SRP19: variants seen among roughly 807,000 people sequenced by gnomAD.
SRP19 encodes the protein signal recognition particle 19.
Under a neutral mutation model 22.4 loss-of-function variants are expected in SRP19, and 11 were observed. The ratio of observed to expected loss-of-function variants is 0.49; its 90% CI spans 0.31 to 0.81. SRP19 has a LOEUF of 0.81. SRP19 is among the 40% of genes least tolerant of loss of function. The pLI is 0.05. For synonymous variants in SRP19, 61 were observed against 57.6 expected, an observed-to-expected ratio of 1.06 and a Z score of -0.27; for missense variants, 168 against 175.9, an observed-to-expected ratio of 0.96 and a Z score of 0.25.
At position 112,892,519 on chromosome 5, in the gene SRP19, G is replaced by A. The variant is rs568926188; in HGVS notation, c.*912G>A. 72 of 1,614,172 alleles carry A rather than the reference G, an allele frequency of 4.5e-5. 1 individual carries two copies. In the Middle Eastern group the frequency reaches 2.5e-3, roughly 55 times the overall value. On this transcript the variant is annotated 3_prime_UTR_variant, in exon 5 of 5. Coordinates refer to the SRP19 transcript ENST00000391338. ...CCAAGCAGCCCTTTCTCTGTTTAACGGACGATGGTATGCAGGACGACAGCT... is the reference window on the plus strand; with the variant it reads ...CCAAGCAGCCCTTTCTCTGTTTAACAGACGATGGTATGCAGGACGACAGCT...
At chr5:112,889,138 C>A (rs1227998762) in intron 4 of SRP19, among the ~76,000 whole-genome samples, 4 of 150,782 alleles carry the variant, frequency 2.7e-5, no homozygotes, top group African/African-American at 9.9e-5. Flanking sequence ...AAACCTCTTT[C>A]CTTTATAAAT....
downstream of SRP19, among the ~76,000 whole-genome samples, chr5:112,871,682 G>A (rs144456024): frequency 1.4e-4 from 21 of 152,172 alleles, no homozygotes; most frequent in Middle Eastern, 3.4e-3. Flanking sequence ...CACTTGAACC[G>A]TGGGAAATGG....
chr5:112,892,060 G>C, exon 5 of SRP19: 1 of 1,553,822 alleles, frequency 6.4e-7, no homozygotes, highest in Non-Finnish European at 8.9e-7. Flanking sequence ...AGAGGAAGCT[G>C]TGCAGAAGAT....
intron 4 of SRP19, among the ~76,000 whole-genome samples, chr5:112,890,875 G>A (rs2150038562): frequency 6.7e-6 from 1 of 150,366 alleles, no homozygotes; most frequent in South Asian, 2.1e-4. Flanking sequence ...TATAAAATAG[G>A]TATTAATTGA....
At chr5:112,880,319 T>C (rs1768030443) in intron 4 of SRP19, among the ~76,000 whole-genome samples, 1 of 152,162 alleles carries the variant, frequency 6.6e-6, no homozygotes, top group Non-Finnish European at 1.5e-5. Context: ...AATTACCAAG[T>C]GGCAGGGAAT....
At chr5:112,866,116 CTTTTTTTT>C (rs67108157) in intron 4 of SRP19, among the ~76,000 whole-genome samples, 2 of 142,014 alleles carry the variant, frequency 1.4e-5, no homozygotes, top group Admixed American at 1.4e-4. Context: ...AGTCTTTTTT[CTTTTTTTT>C]TTTTTTTCTG....
chr5:112,878,973 T>A, intron 4 of SRP19: 2 of 1,379,178 alleles, frequency 1.5e-6, no homozygotes, highest in Non-Finnish European at 2.0e-6. Context: ...CATGTTGGGG[T>A]TTGTGGTCTG....
chr5:112,873,271 C>CTT (rs35379154), downstream of SRP19, among the ~76,000 whole-genome samples: 959 of 50,742 alleles, frequency 0.019, 50 homozygotes, highest in African/African-American at 0.067. Context: ...CTCAGGTTTT[C>CTT]TTTTTTTTTT....
At chr5:112,897,767 CAT>C (rs1294289294), downstream of SRP19, 1 of 152,150 alleles carries the variant, frequency 6.6e-6, no homozygotes, top group Admixed American at 6.5e-5. Flanking sequence ...AAATATTAAA[CAT>C]GTCCTCGGGC....
downstream of SRP19, among the ~76,000 whole-genome samples, chr5:112,872,528 T>C (rs908015846): frequency 6.6e-6 from 1 of 151,984 alleles, no homozygotes; most frequent in Non-Finnish European, 1.5e-5. Flanking sequence ...GGGGTTTCGC[T>C]GTGTTGGCCA....
chr5:112,869,145 T>C lies in SRP19; in HGVS notation c.*1608T>C, dbSNP rs1767699757. Reference sequence around the variant, plus strand: ...TTTTGCCTCATATGTTAAATCCAAGTGAGGTTGCTGTGGTGGTTGGTTTAG... The same window carrying C: ...TTTTGCCTCATATGTTAAATCCAAGCGAGGTTGCTGTGGTGGTTGGTTTAG... On this transcript the variant is annotated 3_prime_UTR_variant, in exon 5 of 5. Transcript: ENST00000505459. The C allele has an allele frequency of 6.6e-6, 1 of 152,230 alleles. No individual in the cohort carries two copies. The highest frequency in any genetic ancestry group is 2.4e-5 in the African/African-American group (1 of 41,444). The allele number at this position is 152,230 out of a possible 1,614,324, so 9.4% of individuals were successfully genotyped here.
chr5:112,886,381 G>T (rs147163262), intron 4 of SRP19, among the ~76,000 whole-genome samples: 17 of 152,324 alleles, frequency 1.1e-4, no homozygotes, highest in African/African-American at 3.8e-4. Context: ...ATGTGAGGGT[G>T]ATTAGACAAG....
At chr5:112,897,892 C>T (rs1454362735), downstream of SRP19, 2 of 152,194 alleles carry the variant, frequency 1.3e-5, no homozygotes, top group African/African-American at 2.4e-5. Flanking sequence ...AACCCCATCT[C>T]TACTAAAAAT....
chr5:112,897,078 A>G (rs1003120297), downstream of SRP19: 1 of 152,212 alleles, frequency 6.6e-6, no homozygotes. Context: ...AACATTAGAT[A>G]GCTATGTCAA....
At chr5:112,891,527 A>G (rs1768447152) in intron 4 of SRP19, 2 of 1,444,088 alleles carry the variant, frequency 1.4e-6, no homozygotes, top group Non-Finnish European at 1.9e-6. Context: ...AAACAATACT[A>G]GAAAACATAA....
intron 4 of SRP19, chr5:112,878,899 C>G: frequency 6.2e-7 from 1 of 1,611,972 alleles, no homozygotes; most frequent in Non-Finnish European, 8.5e-7. Flanking sequence ...TGCAAGCTTG[C>G]AAGCTTTGTG....
rs146335414 is a variant in SRP19, at chr5:112,863,882, C to T, written c.118-575C>T. Among the ~76,000 whole-genome samples the T allele has an allele frequency of 4.2e-3, 644 of 152,270 alleles. 6 individuals are homozygous for T. The highest frequency in any genetic ancestry group is 0.015 in the African/African-American group (625 of 41,544). Reference sequence around the variant, plus strand: ...ATTTCTCCATGTTGTCCAGGCTTGTCTCAAACTCCTGAGCTGAAGTGATCT... The same window carrying T: ...ATTTCTCCATGTTGTCCAGGCTTGTTTCAAACTCCTGAGCTGAAGTGATCT... On this transcript the variant is annotated intron_variant, in intron 2 of 4. Coordinates refer to ENST00000505459, the MANE Select transcript of SRP19 (RefSeq NM_003135.3).
chr5:112,872,789 C>T (rs1195354883), downstream of SRP19, among the ~76,000 whole-genome samples: 1 of 152,160 alleles, frequency 6.6e-6, no homozygotes, highest in Non-Finnish European at 1.5e-5. Flanking sequence ...GTGTATTCCT[C>T]TTTTTTATGT....
rs1338729815 is a variant in SRP19, at chr5:112,887,778, C to T, written c.302-3825C>T. On this transcript the variant is annotated intron_variant, in intron 4 of 4. Coordinates refer to the SRP19 transcript ENST00000391338. Reference sequence around the variant, plus strand: ...TCCTAACTCCTTCTTTACAGCTCTACTTTGCCATTGAGATTTTTTTTTAAT... The same window carrying T: ...TCCTAACTCCTTCTTTACAGCTCTATTTTGCCATTGAGATTTTTTTTTAAT... Among the ~76,000 whole-genome samples, 3 of 152,212 alleles carry T rather than the reference C, an allele frequency of 2.0e-5. No individual in the cohort carries two copies. The Middle Eastern group carries it at 0.01, about 518-fold the overall frequency.
Sources: gnomAD v4.1 joint callset for allele counts (sites outside exome capture counted in the v4.1 genomes callset) on GRCh38, gnomAD v4.1.1 for gene constraint, MANE v1.5 for transcripts, NCBI Gene and HGNC (gene_info 2026-07-23, HGNC 2026-07-21) for gene names.